PAM: variants seen among roughly 807,000 people sequenced by gnomAD.
PAM encodes the protein peptidylglycine alpha-amidating monooxygenase, also known as peptidyl-glycine alpha-amidating monooxygenase.
A neutral mutation model predicts 122.1 loss-of-function variants in PAM; 72 were observed. The observed-to-expected ratio is 0.59, with a 90% CI of 0.49 to 0.72. PAM has a LOEUF of 0.72. PAM is among the 30% of genes least tolerant of loss of function. The pLI is 0.00. For synonymous variants in PAM, 389 were observed against 404.4 expected (o/e 0.96, Z 0.46); for missense variants, 1,106 against 1,183.7 (o/e 0.93, Z 0.96).
At chr5:102,764,554 A>G (rs1057462915) in intron 1 of PAM, among the ~76,000 whole-genome samples, 2 of 152,298 alleles carry the variant, frequency 1.3e-5, no homozygotes, top group South Asian at 4.1e-4. Flanking sequence ...AAGGAATACC[A>G]AGAAGGCCAG....
chr5:103,015,615 C>T (rs62362546), intron 21 of PAM, among the ~76,000 whole-genome samples: 46,297 of 151,958 alleles, frequency 0.3, 7,215 homozygotes, highest in East Asian at 0.44. Flanking sequence ...GTTCTTCTGA[C>T]TGCAAGAAGA....
intron 3 of PAM, among the ~76,000 whole-genome samples, chr5:102,891,391 A>G (rs1011013246): frequency 1.3e-5 from 2 of 151,868 alleles, no homozygotes; most frequent in African/African-American, 2.4e-5. Context: ...AGTTCCTCTT[A>G]AAAGTTCAAA....
At chr5:102,950,941 A>C in intron 12 of PAM, 121 bp downstream of exon 12, 1 of 617,470 alleles carries the variant, frequency 1.6e-6, no homozygotes, top group Non-Finnish European at 2.9e-6. Flanking sequence ...CAATTACAAC[A>C]AACTGTGGCA....
At chr5:102,902,306 T>C (rs1240893482) in intron 4 of PAM, among the ~76,000 whole-genome samples, 1 of 151,554 alleles carries the variant, frequency 6.6e-6, no homozygotes, top group East Asian at 1.9e-4. Context: ...CCCACAGGAA[T>C]GGACATTATA....
intron 15 of PAM, among the ~76,000 whole-genome samples, chr5:102,975,371 C>T (rs778153705): frequency 7.9e-5 from 12 of 152,144 alleles, no homozygotes; most frequent in Non-Finnish European, 1.5e-4. Flanking sequence ...AAAAAATTAG[C>T]ATGCAGTGCC....
At chr5:102,945,003 A>G (rs1041085509) in intron 7 of PAM, among the ~76,000 whole-genome samples, 3 of 152,140 alleles carry the variant, frequency 2.0e-5, no homozygotes, top group African/African-American at 7.2e-5. Context: ...TTTCACACTC[A>G]TAACTGTAAA....
At chr5:102,896,620 G>A (rs909364035) in intron 3 of PAM, among the ~76,000 whole-genome samples, 13 of 151,610 alleles carry the variant, frequency 8.6e-5, no homozygotes, top group Non-Finnish European at 3.0e-5. Context: ...GGACAAAAGC[G>A]AAGCATTTTG....
At chr5:102,891,868 T>C (rs1193363553) in intron 3 of PAM, among the ~76,000 whole-genome samples, 8 of 151,864 alleles carry the variant, frequency 5.3e-5, no homozygotes, top group Non-Finnish European at 1.0e-4. Context: ...CTGAAAATTA[T>C]CTACTGATGA....
Position 102,946,843 on chromosome 5 carries a change from A to G in PAM, c.533A>G (p.Asn178Ser). 1 of 1,592,454 alleles carries G rather than the reference A, an allele frequency of 6.3e-7. No homozygotes were observed. The highest frequency in any genetic ancestry group is 8.6e-7 in the Non-Finnish European group (1 of 1,161,338). Reference sequence around the variant, plus strand: ...TTTCTATGTGTGTTTTCAGATAATAACAAGGACTGTTCTGGTGTGTCCTTA... The same window carrying G: ...TTTCTATGTGTGTTTTCAGATAATAGCAAGGACTGTTCTGGTGTGTCCTTA... ...YGDISAFRDN[N>S]KDCSGVSLHL... The change falls in exon 8 of 26, where the codon AAC becomes AGC. Residue 178 changes from asparagine (N) to serine (S), a missense_variant. Transcript: ENST00000438793.
At chr5:102,962,541 G>A (rs1055071454) in intron 14 of PAM, among the ~76,000 whole-genome samples, 2 of 151,546 alleles carry the variant, frequency 1.3e-5, no homozygotes, top group Admixed American at 6.6e-5. Context: ...GAAACAATAC[G>A]GAATGAGATA....
chr5:103,019,984 G>C lies in PAM; in HGVS notation c.2485+141G>C, dbSNP rs1040113847. ...ATCAGTGACTTCTGCTATGTACTGAGCCTTTAAACCTGTATGTTGCCACTT... is the reference window on the plus strand; with the variant it reads ...ATCAGTGACTTCTGCTATGTACTGACCCTTTAAACCTGTATGTTGCCACTT... On this transcript the variant is annotated intron_variant, in intron 23 of 25. Coordinates refer to ENST00000438793, the MANE Select transcript of PAM (RefSeq NM_001177306.2). The C allele has an allele frequency of 4.4e-6, 3 of 679,960 alleles. No homozygotes were observed. In the African/African-American group the frequency reaches 5.4e-5, roughly 12 times the overall value. The allele number at this position is 679,960 out of a possible 1,614,324, so 42.1% of individuals were successfully genotyped here.
intron 3 of PAM, among the ~76,000 whole-genome samples, chr5:102,881,504 AAGT>A (rs1791074397): frequency 6.6e-6 from 1 of 152,084 alleles, no homozygotes; most frequent in Non-Finnish European, 1.5e-5. Flanking sequence ...CTTTTTAGGA[AAGT>A]AGAGTTATCT....
intron 1 of PAM, among the ~76,000 whole-genome samples, chr5:102,856,117 C>T (rs17154783): frequency 0.11 from 17,225 of 151,982 alleles, 2,307 homozygotes; most frequent in African/African-American, 0.32. Flanking sequence ...TGGCATATTA[C>T]GGACATAGTC....
chr5:102,917,747 G>A (rs745987523), intron 5 of PAM, among the ~76,000 whole-genome samples: 27 of 152,030 alleles, frequency 1.8e-4, no homozygotes, highest in Non-Finnish European at 2.6e-4. Context: ...TAATATTAAC[G>A]CAAATAGCTA....
intron 1 of PAM, among the ~76,000 whole-genome samples, chr5:102,837,961 C>T (rs1271662875): frequency 6.6e-6 from 1 of 152,148 alleles, no homozygotes; most frequent in Non-Finnish European, 1.5e-5. Flanking sequence ...TAATTTTTCA[C>T]AGCAAAAGTT....
Position 102,990,359 on chromosome 5 carries a change from A to G in PAM, c.1571A>G (p.Asn524Ser). The part of the protein sequence containing the change: ...VSGVALDPKN[N>S]LVIFHRGDHV... ...GGGGTGGCTCTAGACCCTAAGAATA[A>G]CCTGGTGATTTTCCACAGAGGTGAC... The change falls in exon 16 of 26, where the codon AAC becomes AGC. Residue 524 changes from asparagine to serine, a missense_variant. By Grantham distance (46) the Asn-to-Ser change is conservative. This residue lies in a region of PAM where 670 missense variants were observed against 690.3 expected (regional missense o/e 0.97). Transcript: ENST00000438793. 1 of 1,609,084 alleles carries G rather than the reference A, an allele frequency of 6.2e-7. No homozygotes were observed. The highest frequency in any genetic ancestry group is 8.5e-7 in the Non-Finnish European group (1 of 1,176,544).
At chr5:102,872,373 G>A (rs566102691) in intron 3 of PAM, among the ~76,000 whole-genome samples, 27 of 152,256 alleles carry the variant, frequency 1.8e-4, no homozygotes, top group Non-Finnish European at 2.6e-4. Flanking sequence ...GAATGTTGTC[G>A]TTGAAATGAA....
chr5:102,930,993 G>A (rs1241623181), intron 7 of PAM, among the ~76,000 whole-genome samples: 2 of 152,042 alleles, frequency 1.3e-5, no homozygotes, highest in African/African-American at 2.4e-5. Context: ...TGTTACCCTC[G>A]CTGAGTTTCT....
At chr5:102,958,283 G>A (rs1022909300) in intron 12 of PAM, among the ~76,000 whole-genome samples, 3 of 152,154 alleles carry the variant, frequency 2.0e-5, no homozygotes. Context: ...ATGCTTAAAT[G>A]ATTATTTTGC....
Sources: allele counts gnomAD v4.1 joint callset (sites outside exome capture counted in the v4.1 genomes callset), GRCh38; gene constraint gnomAD v4.1.1; regional missense constraint gnomAD v4.1.1; transcripts MANE v1.5; gene names NCBI Gene and HGNC (gene_info 2026-07-23, HGNC 2026-07-21).